The following VIT variants were observed in gnomAD, a reference collection of about 807,000 sequenced individuals.
VIT encodes vitrin.
Under a neutral mutation model 78.0 loss-of-function variants are expected in VIT, and 99 were observed. The ratio of observed to expected loss-of-function variants is 1.27; its 90% CI spans 1.08 to 1.50. VIT has a LOEUF of 1.50. VIT is among the 40% of genes most tolerant of loss of function. The pLI is 0.00. For synonymous variants in VIT, 374 were observed against 334.3 expected, an observed-to-expected ratio of 1.12 and a Z score of -1.29; for missense variants, 1,126 against 875.3, an observed-to-expected ratio of 1.29 and a Z score of -3.61.
In VIT at chr2:36,808,042, C is replaced by T. The variant is rs77093738; in HGVS notation, c.1390-430C>T. On this transcript the variant is annotated intron_variant, in intron 14 of 15. Coordinates refer to ENST00000379242, the MANE Select transcript of VIT (RefSeq NM_053276.4). Reference sequence around the variant, plus strand: ...GGCTGCTCTGGAGACATTTCCATAGCGATTTCTTGTGTATGTCATCTCTTT... The same window carrying T: ...GGCTGCTCTGGAGACATTTCCATAGTGATTTCTTGTGTATGTCATCTCTTT... Among the ~76,000 whole-genome samples the T allele has an allele frequency of 2.7e-3, 411 of 152,278 alleles. 12 individuals carry two copies. The East Asian group carries it at 0.056, about 21-fold the overall frequency.
chr2:36,760,332 C>T (rs1005377480), intron 6 of VIT, among the ~76,000 whole-genome samples: 3 of 152,240 alleles, frequency 2.0e-5, no homozygotes, highest in Non-Finnish European at 2.9e-5. Context: ...GTATATAGAT[C>T]GCTGATTTCC....
rs746238755 is a variant in VIT at position 36,805,508 on chromosome 2, T to A, written c.1233T>A (p.Asn411Lys). 6.2e-7 allele frequency: 1 copy of A among 1,613,978 alleles called. No homozygotes were observed. The highest frequency in any genetic ancestry group is 8.5e-7 in the Non-Finnish European group (1 of 1,179,958). The change falls in exon 14 of 16, where the codon AAT becomes AAA. Residue 411 changes from asparagine to lysine, a missense_variant. By Grantham distance (94) the Asn-to-Lys change is moderately conservative (BLOSUM62 0). Coordinates refer to ENST00000379242, the MANE Select transcript of VIT (RefSeq NM_053276.4). ...ATGGAAACAGAAGCGGGGCTCCCAA[T>A]GTGGTGGTGGTGATGGTGGATGGCT... is the stretch of plus-strand genomic sequence containing the variant. ...KANGNRSGAP[N>K]VVVVMVDGWP...
chr2:36,747,650 C>T (rs145852792), intron 4 of VIT, among the ~76,000 whole-genome samples: 27 of 152,294 alleles, frequency 1.8e-4, no homozygotes, highest in East Asian at 1.7e-3. Flanking sequence ...GGTGTTATTA[C>T]GTGTGAGATG....
chr2:36,727,635 T>C (rs1423281548), intron 2 of VIT, among the ~76,000 whole-genome samples: 1 of 152,238 alleles, frequency 6.6e-6, no homozygotes, highest in Non-Finnish European at 1.5e-5. Context: ...GAGAAAAGTA[T>C]ACAAACTAGA....
chr2:36,719,579 CA>C (rs70946946), intron 2 of VIT, among the ~76,000 whole-genome samples: 84,244 of 151,400 alleles, frequency 0.56, 23,799 homozygotes, highest in Admixed American at 0.66. Context: ...ACGATAGTAT[CA>C]AAAAAAAACT....
At chr2:36,698,742 G>C (rs573128663) in intron 1 of VIT, among the ~76,000 whole-genome samples, 2 of 151,966 alleles carry the variant, frequency 1.3e-5, no homozygotes, top group Non-Finnish European at 2.9e-5. Flanking sequence ...TCAGGAGTTC[G>C]AGACCAGCCT....
At position 36,729,475 on chromosome 2, in the gene VIT, T is replaced by A. The variant is rs1412664377; in HGVS notation, c.102T>A (p.Ile34=). The A allele has an allele frequency of 6.2e-7, 1 of 1,609,018 alleles. No individual in the cohort carries two copies. Among genetic ancestry groups the A allele is most frequent in the African/African-American group, 1.3e-5 (1 of 74,848 alleles). ...CAAACAAAGAAACGGCAAAGAAGATTAAAAGGCCCAAGTTCAGTAAGTAAA... is the reference window on the plus strand; with the variant it reads ...CAAACAAAGAAACGGCAAAGAAGATAAAAAGGCCCAAGTTCAGTAAGTAAA... ...VHSNKETAKK[I]KRPKFTVPQI... The change falls in exon 3 of 16, where the codon ATT becomes ATA. Residue 34 remains isoleucine (I), a synonymous_variant. Coordinates refer to ENST00000379242, the MANE Select transcript of VIT (RefSeq NM_053276.4).
chr2:36,779,011 T>C (rs1024896995), intron 9 of VIT, among the ~76,000 whole-genome samples: 23 of 152,176 alleles, frequency 1.5e-4, no homozygotes, highest in Non-Finnish European at 5.9e-5. Flanking sequence ...GTTGGTGACT[T>C]CTAGATGGAA....
intron 1 of VIT, among the ~76,000 whole-genome samples, chr2:36,700,701 A>T (rs1423312233): frequency 6.6e-6 from 1 of 152,060 alleles, no homozygotes; most frequent in Non-Finnish European, 1.5e-5. Context: ...ATGATCATGC[A>T]CTCCAGCCTG....
At chr2:36,699,529 TACACACAC>T (rs1553357642) in intron 1 of VIT, among the ~76,000 whole-genome samples, 1 of 151,546 alleles carries the variant, frequency 6.6e-6, no homozygotes, top group Non-Finnish European at 1.5e-5. Flanking sequence ...TATATATATA[TACACACAC>T]ATATATATAG....
intron 1 of VIT, 32 bp from the exon 2 acceptor site, chr2:36,716,321 A>C (rs1310424164): frequency 2.5e-6 from 4 of 1,592,532 alleles, no homozygotes; most frequent in Middle Eastern, 1.7e-4. Context: ...CCCGGCTGAA[A>C]TATGATGACG....
At chr2:36,715,460 C>A (rs777593073) in intron 1 of VIT, among the ~76,000 whole-genome samples, 1 of 150,138 alleles carries the variant, frequency 6.7e-6, no homozygotes, top group Non-Finnish European at 1.5e-5. Context: ...TGCTTAAACT[C>A]GGGAGGCAGA....
At chr2:36,701,862 T>A (rs1471141778) in intron 1 of VIT, among the ~76,000 whole-genome samples, 1 of 152,202 alleles carries the variant, frequency 6.6e-6, no homozygotes, top group Non-Finnish European at 1.5e-5. Context: ...AGAGATAACA[T>A]TCAACAACAG....
At chr2:36,780,393 G>A (rs1664668149) in intron 9 of VIT, among the ~76,000 whole-genome samples, 2 of 152,204 alleles carry the variant, frequency 1.3e-5, no homozygotes, top group Admixed American at 1.3e-4. Flanking sequence ...TTTAGGAAAA[G>A]GGTAAAGTGC....
intron 1 of VIT, among the ~76,000 whole-genome samples, chr2:36,708,133 C>A (rs1407153575): frequency 6.6e-6 from 1 of 151,400 alleles, no homozygotes; most frequent in African/African-American, 2.4e-5. Flanking sequence ...CACCTAGTGC[C>A]AGCTTCCTTT....
At chr2:36,742,064 G>C (rs80055918) in intron 3 of VIT, among the ~76,000 whole-genome samples, 1 of 152,212 alleles carries the variant, frequency 6.6e-6, no homozygotes, top group East Asian at 1.9e-4. Flanking sequence ...TGCCTCTTTG[G>C]ACTGTGCTCA....
chr2:36,807,490 A>G (rs990833385), intron 14 of VIT, among the ~76,000 whole-genome samples: 2 of 152,344 alleles, frequency 1.3e-5, no homozygotes, highest in East Asian at 3.9e-4. Flanking sequence ...CATGAGCTCC[A>G]CGGAAAGTTT....
intron 4 of VIT, among the ~76,000 whole-genome samples, chr2:36,751,352 C>T (rs1048192008): frequency 4.6e-5 from 7 of 151,946 alleles, no homozygotes; most frequent in Non-Finnish European, 8.8e-5. Flanking sequence ...GCTGAGATCT[C>T]GCCACTGCAC....
At chr2:36,724,211 G>A (rs1666697973) in intron 2 of VIT, among the ~76,000 whole-genome samples, 1 of 152,056 alleles carries the variant, frequency 6.6e-6, no homozygotes, top group African/African-American at 2.4e-5. Flanking sequence ...TAGAGACGGG[G>A]TTTCACCATG....
Sources: allele counts gnomAD v4.1 joint callset (sites outside exome capture counted in the v4.1 genomes callset), GRCh38; gene constraint gnomAD v4.1.1; transcripts MANE v1.5; gene names NCBI Gene and HGNC (gene_info 2026-07-23, HGNC 2026-07-21).